The following TET1 variants were observed in gnomAD, a reference collection of about 807,000 sequenced individuals.
The protein encoded by TET1 is tet methylcytosine dioxygenase 1.
In TET1, 13 loss-of-function variants were observed where a neutral mutation model predicts 148.7. The observed-to-expected ratio is 0.09, with a 90% CI of 0.06 to 0.14. TET1 has a LOEUF of 0.14. TET1 is among the 10% of genes least tolerant of loss of function. The probability of loss-of-function intolerance (pLI) is 1.00; values close to 1 mark genes in which losing one functional copy is unlikely to be tolerated. For synonymous variants in TET1, 907 were observed against 937.2 expected (o/e 0.97, Z 0.59); for missense variants, 2,182 against 2,553.8 (o/e 0.85, Z 3.14).
Position 68,682,959 on chromosome 10 carries a change from A to G in TET1, c.5038A>G (p.Asn1680Asp), listed in dbSNP as rs1041882192. ...CCACAGGGACATTCACAACATGAAT[A>G]ATGGAAGCACTGTGGTATGTACCTG... ...HPHRDIHNMN[N>D]GSTVVCTLTR... The change falls in exon 10 of 12, where the codon AAT (asparagine) becomes GAT (aspartate). Residue 1680 changes from asparagine to aspartate, a missense_variant. Physicochemically the swap from Asn to Asp is conservative, Grantham distance 23. Coordinates refer to ENST00000373644, the MANE Select transcript of TET1 (RefSeq NM_030625.3). The G allele has an allele frequency of 3.7e-6, 6 of 1,613,722 alleles. No individual in the cohort carries two copies. The highest frequency in any genetic ancestry group is 5.1e-6 in the Non-Finnish European group (6 of 1,179,978).
At chr10:68,614,377 T>C (rs7895184) in intron 3 of TET1, among the ~76,000 whole-genome samples, 7,861 of 152,268 alleles carry the variant, frequency 0.052, 716 homozygotes, top group African/African-American at 0.18. Flanking sequence ...ACAGTGTAAA[T>C]ACTGTGTTTT....
In TET1 at chr10:68,648,974, T is replaced by A. The variant is rs557465182; in HGVS notation, c.4276+1969T>A. Reference sequence around the variant, plus strand: ...CAAGGATAGGCTGTTCTGAGAAGAATCTCACAATTTGGAAAGAGTGACAAT... The same window carrying A: ...CAAGGATAGGCTGTTCTGAGAAGAAACTCACAATTTGGAAAGAGTGACAAT... On this transcript the variant is annotated intron_variant, in intron 4 of 11. Coordinates refer to ENST00000373644, the MANE Select transcript of TET1 (RefSeq NM_030625.3). Among the ~76,000 whole-genome samples the A allele has an allele frequency of 1.9e-4, 29 of 152,296 alleles. 2 individuals carry two copies. The South Asian group carries it at 5.8e-3, about 31-fold the overall frequency.
intron 3 of TET1, among the ~76,000 whole-genome samples, chr10:68,622,256 T>C (rs1347584560): frequency 7.6e-6 from 1 of 132,052 alleles, no homozygotes; most frequent in Non-Finnish European, 1.6e-5. Context: ...CCTCCCTCCT[T>C]CCCTCTCTCC....
intron 4 of TET1, among the ~76,000 whole-genome samples, chr10:68,648,824 A>G (rs1247241886): frequency 6.6e-6 from 1 of 152,148 alleles, no homozygotes; most frequent in African/African-American, 2.4e-5. Context: ...TGTTACTCAG[A>G]CTGGTCTTGA....
chr10:68,595,985 C>T (rs12774936), intron 2 of TET1, among the ~76,000 whole-genome samples: 1,409 of 53,994 alleles, frequency 0.026, 27 homozygotes, highest in Non-Finnish European at 0.033. Context: ...CACATATATA[C>T]ACACACACAC....
chr10:68,625,060 C>A (rs1410712376), intron 3 of TET1, among the ~76,000 whole-genome samples: 1 of 152,128 alleles, frequency 6.6e-6, no homozygotes, highest in African/African-American at 2.4e-5. Context: ...TGTTCTCTTA[C>A]AACATCAGTT....
chr10:68,575,748 G>T (rs918228445), intron 2 of TET1, among the ~76,000 whole-genome samples: 1 of 150,464 alleles, frequency 6.6e-6, no homozygotes, highest in Admixed American at 6.7e-5. Context: ...TAGGCCGGGC[G>T]CGGTGGCTCA....
At chr10:68,609,770 A>C (rs1419549720) in intron 3 of TET1, among the ~76,000 whole-genome samples, 2 of 152,038 alleles carry the variant, frequency 1.3e-5, no homozygotes, top group African/African-American at 4.8e-5. Context: ...AGAGCATTTT[A>C]AAATATTTCA....
intron 2 of TET1, among the ~76,000 whole-genome samples, chr10:68,575,038 T>C (rs1804890478): frequency 6.6e-6 from 1 of 152,226 alleles, no homozygotes; most frequent in African/African-American, 2.4e-5. Flanking sequence ...CGCATTAAAG[T>C]TATGTTTATT....
chr10:68,690,298 A>G (rs552783486), intron 11 of TET1, among the ~76,000 whole-genome samples: 51 of 152,292 alleles, frequency 3.3e-4, no homozygotes, highest in African/African-American at 1.2e-3. Context: ...CCTCTTTCCC[A>G]AAGGAAGAGT....
intron 6 of TET1, among the ~76,000 whole-genome samples, chr10:68,662,409 T>C (rs1170271970): frequency 6.6e-6 from 1 of 152,202 alleles, no homozygotes; most frequent in Non-Finnish European, 1.5e-5. Context: ...TGATTCAATT[T>C]GCATTGTAAC....
intron 11 of TET1, among the ~76,000 whole-genome samples, chr10:68,687,669 G>A: frequency 6.6e-6 from 1 of 152,088 alleles, no homozygotes; most frequent in Non-Finnish European, 1.5e-5. Context: ...GCTCACCACA[G>A]CCTCAACCTT....
intron 6 of TET1, among the ~76,000 whole-genome samples, chr10:68,657,708 G>A (rs1292999034): frequency 6.6e-6 from 1 of 152,114 alleles, no homozygotes; most frequent in Non-Finnish European, 1.5e-5. Flanking sequence ...TTCATTATTA[G>A]CTATATTCTG....
intron 3 of TET1, among the ~76,000 whole-genome samples, chr10:68,636,331 G>C (rs546327471): frequency 7.2e-5 from 11 of 152,276 alleles, no homozygotes; most frequent in African/African-American, 2.2e-4. Context: ...TTAACAACCT[G>C]CTCAACTTCC....
intron 3 of TET1, among the ~76,000 whole-genome samples, chr10:68,622,603 A>C (rs2054393538): frequency 6.6e-6 from 1 of 151,848 alleles, no homozygotes; most frequent in African/African-American, 2.4e-5. Flanking sequence ...CTTGATCTCC[A>C]ACACAGTTCC....
At chr10:68,609,416 C>T (rs574526866) in intron 3 of TET1, among the ~76,000 whole-genome samples, 1 of 152,282 alleles carries the variant, frequency 6.6e-6, no homozygotes, top group Admixed American at 6.5e-5. Context: ...CCTCCTCGGC[C>T]TCCCAAAGTG....
At chr10:68,610,717 G>C (rs1002437972) in intron 3 of TET1, among the ~76,000 whole-genome samples, 2 of 152,064 alleles carry the variant, frequency 1.3e-5, no homozygotes, top group South Asian at 2.1e-4. Context: ...GAGTGTAGTG[G>C]TGTGATCATG....
intron 2 of TET1, among the ~76,000 whole-genome samples, chr10:68,582,280 G>T (rs575045048): frequency 2.0e-5 from 3 of 152,080 alleles, no homozygotes; most frequent in Non-Finnish European, 4.4e-5. Context: ...TGTATTTTTA[G>T]TAGAGACAAT....
chr10:68,601,105 A>G (rs1007958082), intron 3 of TET1, 71 bp downstream of exon 3: 5 of 1,325,332 alleles, frequency 3.8e-6, no homozygotes, highest in Non-Finnish European at 5.3e-6. Flanking sequence ...GCACTTGGGT[A>G]TATTTGGAGT....
Sources: gnomAD v4.1 joint callset for allele counts (sites outside exome capture counted in the v4.1 genomes callset) on GRCh38, gnomAD v4.1.1 for gene constraint, MANE v1.5 for transcripts, NCBI Gene and HGNC (gene_info 2026-07-23, HGNC 2026-07-21) for gene names.